PAK6: variants seen among roughly 807,000 people sequenced by gnomAD.
PAK6 encodes serine/threonine-protein kinase PAK 6.
PAK6 carries 33 observed loss-of-function variants against 60.8 expected under a neutral mutation model. The observed-to-expected ratio is 0.54, with a 90% confidence interval of 0.41 to 0.73. PAK6 has a LOEUF of 0.73. PAK6 is among the 30% of genes least tolerant of loss of function. PAK6 has a pLI of 0.00. For missense variants in PAK6, 845 were observed against 904.1 expected, an observed-to-expected ratio of 0.93 and a Z score of 0.84; for synonymous variants, 404 against 378.5, an observed-to-expected ratio of 1.07 and a Z score of -0.78.
At chr15:40,255,689 C>T (rs1002233938) in intron 3 of PAK6, among the ~76,000 whole-genome samples, 1 of 152,202 alleles carries the variant, frequency 6.6e-6, no homozygotes, top group Non-Finnish European at 1.5e-5. Flanking sequence ...ATGGCAGACT[C>T]GGACCCCAGT....
At chr15:40,270,427 C>T (rs1465314481) in intron 5 of PAK6, among the ~76,000 whole-genome samples, 7 of 152,206 alleles carry the variant, frequency 4.6e-5, no homozygotes, top group Non-Finnish European at 8.8e-5. Flanking sequence ...GGCTCTGAGG[C>T]GGGAAGTCTG....
intron 3 of PAK6, among the ~76,000 whole-genome samples, chr15:40,257,743 C>T (rs932395920): frequency 2.0e-5 from 3 of 152,196 alleles, no homozygotes. Context: ...GCCCTGGCAT[C>T]CCAGGGCCTG....
intron 3 of PAK6, among the ~76,000 whole-genome samples, chr15:40,256,607 C>G (rs1431127327): frequency 1.3e-5 from 2 of 152,130 alleles, no homozygotes; most frequent in African/African-American, 4.8e-5. Context: ...CTTGGATGGG[C>G]CTGAGAATAA....
At chr15:40,271,907 C>T (rs2039312969) in intron 5 of PAK6, among the ~76,000 whole-genome samples, 2 of 152,212 alleles carry the variant, frequency 1.3e-5, no homozygotes, top group South Asian at 2.1e-4. Flanking sequence ...AGCTGTCAAT[C>T]GCCCAGGAAG....
At chr15:40,264,750 G>A (rs374297979) in intron 3 of PAK6, 31 bp from the exon 4 acceptor site, 3 of 1,601,192 alleles carry the variant, frequency 1.9e-6, no homozygotes, top group Non-Finnish European at 2.6e-6. Context: ...TCTTTCCCGG[G>A]AGGGAGCTCA....
At chr15:40,266,061 G>C (rs201017672) in exon 5 of PAK6, 1 of 1,609,924 alleles carries the variant, frequency 6.2e-7, no homozygotes, top group South Asian at 1.1e-5. Context: ...TGACCCCCAC[G>C]GCCTCTACCT....
chr15:40,276,268 C>G lies in PAK6; in HGVS notation c.*174C>G, dbSNP rs949032392. The G allele has an allele frequency of 1.3e-5, 8 of 616,862 alleles. No homozygotes were observed. The African/African-American group carries it at 1.5e-4, about 11-fold the overall frequency. The allele number at this position is 616,862 out of a possible 1,614,324, so 38.2% of individuals were successfully genotyped here. The stretch of plus-strand genomic sequence containing the variant: ...CTACTGGGCCAGGCCGGACCTGCCC[C>G]CTCAGTGTCTCTCCCTCCCGAGTCC... On this transcript the variant is annotated 3_prime_UTR_variant, in exon 11 of 11. Transcript: ENST00000560346.
intron 2 of PAK6, chr15:40,246,995 C>T (rs879842799): frequency 3.9e-5 from 6 of 152,462 alleles, no homozygotes; most frequent in Admixed American, 6.5e-5. Flanking sequence ...AAATACCCTG[C>T]TTCCTCACAT....
intron 2 of PAK6, among the ~76,000 whole-genome samples, chr15:40,243,455 G>C (rs2038412987): frequency 6.6e-6 from 1 of 152,338 alleles, no homozygotes; most frequent in East Asian, 1.9e-4. Context: ...GGGTTGTTGA[G>C]AGGATTAAAT....
intron 3 of PAK6, 39 bp from the exon 4 acceptor site, chr15:40,264,741 CT>C: frequency 6.3e-7 from 1 of 1,589,732 alleles, no homozygotes; most frequent in Non-Finnish European, 8.6e-7. Context: ...AGCCACCCCT[CT>C]TTCCCGGGAG....
intron 3 of PAK6, among the ~76,000 whole-genome samples, chr15:40,261,049 C>T (rs1008416084): frequency 2.6e-5 from 4 of 151,762 alleles, no homozygotes; most frequent in Admixed American, 6.6e-5. Flanking sequence ...CCACCACACC[C>T]GGCTAATGTT....
chr15:40,241,566 C>T (rs1566840281), intron 2 of PAK6, among the ~76,000 whole-genome samples: 1 of 152,162 alleles, frequency 6.6e-6, no homozygotes, highest in Admixed American at 6.5e-5. Flanking sequence ...ACCTGGGAGC[C>T]CTAGTGACAG....
At chr15:40,243,473 T>C (rs1241183957) in intron 2 of PAK6, among the ~76,000 whole-genome samples, 1 of 152,098 alleles carries the variant, frequency 6.6e-6, no homozygotes, top group Non-Finnish European at 1.5e-5. Context: ...AATAAGATAA[T>C]AAGTGAATGC....
intron 3 of PAK6, among the ~76,000 whole-genome samples, chr15:40,256,313 C>T (rs1316557759): frequency 3.3e-5 from 5 of 152,172 alleles, no homozygotes; most frequent in African/African-American, 1.2e-4. Context: ...CAGTGAAAGG[C>T]TGTCTTCTGT....
intron 10 of PAK6, among the ~76,000 whole-genome samples, chr15:40,274,775 T>G (rs1416391829): frequency 2.6e-5 from 4 of 152,322 alleles, no homozygotes; most frequent in Non-Finnish European, 4.4e-5. Context: ...CCAGTATAAG[T>G]GCATGGAAGT....
At chr15:40,274,243 C>G (rs551636912) in exon 10 of PAK6, 3 of 1,612,130 alleles carry the variant, frequency 1.9e-6, no homozygotes. Flanking sequence ...GGCTCCGGGA[C>G]AGCCCCCCAC....
intron 5 of PAK6, among the ~76,000 whole-genome samples, chr15:40,267,217 C>T (rs1478487660): frequency 6.6e-6 from 1 of 152,094 alleles, no homozygotes; most frequent in Non-Finnish European, 1.5e-5. Context: ...AGCCTCCCCT[C>T]CCTCCTGGGA....
At chr15:40,241,930 T>A (rs148554060) in intron 2 of PAK6, among the ~76,000 whole-genome samples, 188 of 152,354 alleles carry the variant, frequency 1.2e-3, no homozygotes, top group Non-Finnish European at 2.2e-3. Flanking sequence ...ATGAGGAGAA[T>A]GACCCAGCTG....
chr15:40,256,907 C>T (rs2038850389), intron 3 of PAK6: 1 of 152,256 alleles, frequency 6.6e-6, no homozygotes, highest in African/African-American at 2.4e-5. Flanking sequence ...ACAGATGCTC[C>T]CCCTCACTGT....
Sources: gnomAD v4.1 joint callset for allele counts (sites outside exome capture counted in the v4.1 genomes callset) on GRCh38, gnomAD v4.1.1 for gene constraint, MANE v1.5 for transcripts, NCBI Gene and HGNC (gene_info 2026-07-23, HGNC 2026-07-21) for gene names.